Variants in ARHGAP10 observed in about 807,000 individuals in gnomAD.
The protein encoded by ARHGAP10 is rho GTPase-activating protein 10.
In ARHGAP10, 87 loss-of-function variants were observed where a neutral mutation model predicts 108.6. The ratio of observed to expected loss-of-function variants is 0.80; its 90% confidence interval spans 0.67 to 0.96. The LOEUF is 0.96. ARHGAP10 is among the 40% of genes least tolerant of loss of function. ARHGAP10 has a pLI of 0.00. For missense variants in ARHGAP10, 939 were observed against 954.5 expected, an observed-to-expected ratio of 0.98 and a Z score of 0.21; for synonymous variants, 347 against 341.1, an observed-to-expected ratio of 1.02 and a Z score of -0.19.
At chr4:147,819,043 TAGGG>T (rs1243705809) in intron 1 of ARHGAP10, among the ~76,000 whole-genome samples, 1 of 152,220 alleles carries the variant, frequency 6.6e-6, no homozygotes, top group African/African-American at 2.4e-5. Flanking sequence ...GCTCTTTACA[TAGGG>T]AGAAATACAT....
intron 21 of ARHGAP10, among the ~76,000 whole-genome samples, chr4:148,063,533 C>G (rs971301855): frequency 6.6e-6 from 1 of 152,228 alleles, no homozygotes; most frequent in African/African-American, 2.4e-5. Flanking sequence ...TGAGCCTACT[C>G]TGTCTTTGTG....
Position 147,946,661 on chromosome 4 carries a change from TG to T in ARHGAP10, c.1351del (p.Glu451LysfsTer2), listed in dbSNP as rs2126971242. 1.2e-6 allele frequency: 2 copies of T among 1,612,744 alleles called. No individual in the cohort carries two copies. Among genetic ancestry groups the T allele is most frequent in the South Asian group, 1.1e-5 (1 of 90,652 alleles). On this transcript the variant is annotated frameshift_variant, in exon 15 of 23. Transcript: ENST00000336498. LOFTEE classifies it high-confidence loss of function. ...NEVDLENSADWEVKTITSALK... is the reference protein window; with the variant it reads ...NEVDLENSADXEVKTITSALK... ...GGTGGACCTGGAGAATTCTGCAGATTGGGAAGTGAAGACAATAACAAGTGCC... is the reference window on the plus strand; with the variant it reads ...GGTGGACCTGGAGAATTCTGCAGATTGGAAGTGAAGACAATAACAAGTGCC...
chr4:147,858,884 C>A (rs909779176), intron 5 of ARHGAP10, among the ~76,000 whole-genome samples: 1 of 152,252 alleles, frequency 6.6e-6, no homozygotes, highest in Non-Finnish European at 1.5e-5. Context: ...GCTTAGGCAA[C>A]ATCTTTGGAG....
At chr4:147,800,442 C>A (rs183212433) in intron 1 of ARHGAP10, among the ~76,000 whole-genome samples, 1 of 152,104 alleles carries the variant, frequency 6.6e-6, no homozygotes, top group Non-Finnish European at 1.5e-5. Context: ...CGAGGCTCCC[C>A]TAGTTATTGT....
intron 1 of ARHGAP10, among the ~76,000 whole-genome samples, chr4:147,801,533 A>G (rs146044277): frequency 1.3e-5 from 2 of 152,344 alleles, no homozygotes; most frequent in East Asian, 3.9e-4. Context: ...CAATTTTAGT[A>G]TTCATCATTT....
At chr4:147,986,687 A>G (rs1305939638) in intron 18 of ARHGAP10, among the ~76,000 whole-genome samples, 14 of 152,346 alleles carry the variant, frequency 9.2e-5, no homozygotes, top group Admixed American at 9.1e-4. Context: ...AATATAATTC[A>G]TATAGAATAA....
intron 19 of ARHGAP10, among the ~76,000 whole-genome samples, chr4:148,033,483 A>C (rs1728241045): frequency 6.6e-6 from 1 of 152,246 alleles, no homozygotes; most frequent in Non-Finnish European, 1.5e-5. Context: ...AATCTGGAAA[A>C]ATAATCAGTT....
chr4:147,861,163 G>A (rs921794056), intron 5 of ARHGAP10: 1 of 152,364 alleles, frequency 6.6e-6, no homozygotes, highest in African/African-American at 2.4e-5. Flanking sequence ...GAGTTCGTGA[G>A]TGAGTTCAGG....
chr4:147,815,388 C>T (rs1732195206), intron 1 of ARHGAP10, among the ~76,000 whole-genome samples: 1 of 152,148 alleles, frequency 6.6e-6, no homozygotes, highest in Non-Finnish European at 1.5e-5. Context: ...TCCTAATCAT[C>T]CCTGGAACCT....
intron 19 of ARHGAP10, among the ~76,000 whole-genome samples, chr4:148,037,036 G>C: frequency 6.6e-6 from 1 of 152,178 alleles, no homozygotes; most frequent in East Asian, 1.9e-4. Context: ...GTTTTTCTGT[G>C]TTCTTTGGTC....
chr4:147,817,693 A>T (rs1732313003), intron 1 of ARHGAP10, among the ~76,000 whole-genome samples: 1 of 151,910 alleles, frequency 6.6e-6, no homozygotes, highest in African/African-American at 2.4e-5. Flanking sequence ...AGTCTGGAAG[A>T]CTCTGAAGTG....
chr4:147,758,172 A>T (rs1186503413), intron 1 of ARHGAP10, among the ~76,000 whole-genome samples: 1 of 151,934 alleles, frequency 6.6e-6, no homozygotes, highest in Non-Finnish European at 1.5e-5. Context: ...CTGAGGCAGG[A>T]GAATTGCTTG....
In ARHGAP10 at chr4:147,857,612, T is replaced by G; in HGVS notation, c.444T>G (p.His148Gln). 2 of 1,498,620 alleles carry G rather than the reference T, an allele frequency of 1.3e-6. No individual in the cohort carries two copies. Among genetic ancestry groups the G allele is most frequent in the Non-Finnish European group, 8.9e-7 (1 of 1,126,508 alleles). 92.8% of individuals were successfully genotyped at this position (1,498,620 alleles called of 1,614,324 possible). Reference protein sequence around the residue: ...TEKNYSLIDKHLNLSAKKKDS... With the variant: ...TEKNYSLIDKQLNLSAKKKDS... ...AGAATTATAGTCTAATTGATAAACA[T>G]TTGAATTTATCAGCAAAAAAGAAAG... is the stretch of plus-strand genomic sequence containing the variant. The change falls in exon 5 of 23, where the codon CAT (histidine) becomes CAG (glutamine). Residue 148 changes from histidine to glutamine, a missense_variant. By Grantham distance (24) the His-to-Gln change is conservative. Transcript: ENST00000336498.
chr4:147,855,261 G>T (rs1734037324), intron 4 of ARHGAP10, among the ~76,000 whole-genome samples: 1 of 152,116 alleles, frequency 6.6e-6, no homozygotes, highest in Non-Finnish European at 1.5e-5. Flanking sequence ...CTGCAGCTTG[G>T]GTCTTCTGAC....
intron 1 of ARHGAP10, among the ~76,000 whole-genome samples, chr4:147,761,790 A>G (rs1729602126): frequency 6.6e-6 from 1 of 152,202 alleles, no homozygotes; most frequent in Non-Finnish European, 1.5e-5. Context: ...GCTGATTGGC[A>G]CTAAGTGACT....
chr4:148,065,172 A>G (rs1017963113), intron 22 of ARHGAP10: 5 of 152,244 alleles, frequency 3.3e-5, no homozygotes, highest in African/African-American at 1.2e-4. Flanking sequence ...CCTGCTCATT[A>G]TGAAATGCAT....
chr4:147,834,423 T>C (rs549010647), intron 3 of ARHGAP10, among the ~76,000 whole-genome samples: 1 of 152,222 alleles, frequency 6.6e-6, no homozygotes, highest in African/African-American at 2.4e-5. Flanking sequence ...GAGCTATTAT[T>C]GTGCCACTGC....
At chr4:147,844,876 T>G (rs990270629) in intron 3 of ARHGAP10, among the ~76,000 whole-genome samples, 2 of 152,192 alleles carry the variant, frequency 1.3e-5, no homozygotes, top group African/African-American at 4.8e-5. Context: ...AGAGTAATCT[T>G]GAAAAGCTCT....
chr4:148,043,790 A>ATATATATATGTG lies in ARHGAP10; in HGVS notation c.1868-3092_1868-3091insTGTATATATATG, dbSNP rs1560889740. Among the ~76,000 whole-genome samples, 34 of 146,046 alleles carry ATATATATATGTG rather than the reference A, an allele frequency of 2.3e-4. No individual in the cohort carries two copies. The East Asian group carries it at 6.2e-3, about 26-fold the overall frequency. On this transcript the variant is annotated intron_variant, in intron 19 of 22. Transcript: ENST00000336498. ...TGTATATATATGTATATATATATGT[A>ATATATATATGTG]TATATATATGCATTCATTCCAGAAG... is the stretch of plus-strand genomic sequence containing the variant.
Sources: allele counts gnomAD v4.1 joint callset (sites outside exome capture counted in the v4.1 genomes callset), GRCh38; gene constraint gnomAD v4.1.1; transcripts MANE v1.5; gene names NCBI Gene and HGNC (gene_info 2026-07-23, HGNC 2026-07-21).